EP400: variants seen among roughly 807,000 people sequenced by gnomAD.
The protein encoded by EP400 is E1A binding protein p400, also known as E1A-binding protein p400.
Under a neutral mutation model 354.1 loss-of-function variants are expected in EP400, and 105 were observed. That is an observed-to-expected ratio of 0.30 (90% CI 0.25 to 0.35). The LOEUF is 0.35. EP400 is among the 10% of genes least tolerant of loss of function. The pLI, the probability that EP400 is intolerant of heterozygous loss-of-function variation, is 1.00. For missense variants in EP400, 3,280 were observed against 4,121.0 expected (o/e 0.80, Z 5.59); for synonymous variants, 1,646 against 1,716.9 (o/e 0.96, Z 1.02).
chr12:132,046,522 T>G (rs936118526), intron 39 of EP400, among the ~76,000 whole-genome samples: 2 of 152,214 alleles, frequency 1.3e-5, no homozygotes, highest in African/African-American at 4.8e-5. Context: ...CATAATATTC[T>G]CTGTTTCAGG....
intron 15 of EP400, among the ~76,000 whole-genome samples, chr12:132,007,623 G>T (rs960890222): frequency 6.6e-6 from 1 of 152,212 alleles, no homozygotes; most frequent in African/African-American, 2.4e-5. Context: ...CACAGGACAA[G>T]GTTTCACTGT....
chr12:132,069,699 T>C, intron 51 of EP400, 58 bp downstream of exon 51: 1 of 1,600,356 alleles, frequency 6.2e-7, no homozygotes, highest in Non-Finnish European at 8.5e-7. Context: ...GGCCTTTGGA[T>C]TGTGTGTCTC....
chr12:131,950,594 C>T (rs1891437272), intron 1 of EP400, among the ~76,000 whole-genome samples: 1 of 152,004 alleles, frequency 6.6e-6, no homozygotes, highest in Admixed American at 6.5e-5. Flanking sequence ...AGGTCCGAAT[C>T]CGCTCCTTCT....
In EP400 at chr12:132,077,393, C is replaced by G; in HGVS notation, c.9100-8C>G. 6.2e-7 allele frequency: 1 copy of G among 1,604,842 alleles called. No homozygotes were observed. Among genetic ancestry groups the G allele is most frequent in the Non-Finnish European group, 8.5e-7 (1 of 1,174,628 alleles). The stretch of plus-strand genomic sequence containing the variant: ...GGCAATGTGTGTTTTCTGACTCTCT[C>G]GGCTCAGGCTTCTCCACAGACTGTG... On this transcript the variant is annotated splice_polypyrimidine_tract_variant and splice_region_variant and intron_variant, in intron 52 of 52. Transcript: ENST00000389561.
chr12:131,954,194 A>T (rs944843459), intron 1 of EP400, among the ~76,000 whole-genome samples: 3 of 151,980 alleles, frequency 2.0e-5, no homozygotes, highest in African/African-American at 7.3e-5. Flanking sequence ...TACCTGCTTC[A>T]TCATACCTTT....
At chr12:132,056,869 G>A (rs1349956878) in intron 45 of EP400, among the ~76,000 whole-genome samples, 1 of 152,194 alleles carries the variant, frequency 6.6e-6, no homozygotes, top group African/African-American at 2.4e-5. Context: ...TGTATAAAAT[G>A]GGCAGAAGAT....
chr12:132,020,031 G>T lies in EP400; in HGVS notation c.4278-18G>T. On this transcript the variant is annotated intron_variant, in intron 21 of 52. Coordinates refer to ENST00000389561, the MANE Select transcript of EP400 (RefSeq NM_015409.5). ...TCTGATGCTCTGTATCTTCTTGCCT[G>T]GACCAATGGGCATCTAGGTTGTTTC... 1 of 1,512,936 alleles carries T rather than the reference G, an allele frequency of 6.6e-7. No individual in the cohort carries two copies. The highest frequency in any genetic ancestry group is 8.9e-7 in the Non-Finnish European group (1 of 1,127,932). 93.7% of individuals were successfully genotyped at this position (1,512,936 alleles called of 1,614,324 possible). A position where few individuals can be genotyped will look rare whatever the true frequency, so the allele number is the denominator to read the frequency against.
intron 5 of EP400, among the ~76,000 whole-genome samples, chr12:131,985,902 C>T (rs1362026275): frequency 2.6e-5 from 4 of 152,234 alleles, no homozygotes; most frequent in Admixed American, 2.0e-4. Context: ...GCCACTGCGC[C>T]TGGCCTGAGG....
Position 132,020,934 on chromosome 12 carries a change from C to T in EP400, c.4448-145C>T, listed in dbSNP as rs553565491. 10 of 1,103,516 alleles carry T rather than the reference C, an allele frequency of 9.1e-6. No individual in the cohort carries two copies. In the African/African-American group the frequency reaches 1.5e-4, roughly 16 times the overall value. The allele number at this position is 1,103,516 out of a possible 1,614,324, so 68.4% of individuals were successfully genotyped here. A position where few individuals can be genotyped will look rare whatever the true frequency, so the allele number is the denominator to read the frequency against. On this transcript the variant is annotated intron_variant, in intron 22 of 52. Transcript: ENST00000389561. ...TTCTCTCACCCTGTAAACTATATGGCCCCTCTTTTTTTCCTTAAGAGGGGA... is the reference window on the plus strand; with the variant it reads ...TTCTCTCACCCTGTAAACTATATGGTCCCTCTTTTTTTCCTTAAGAGGGGA...
In EP400 at chr12:132,044,949, C is replaced by T; in HGVS notation, c.6780C>T (p.Pro2260=). The T allele has an allele frequency of 6.2e-7, 1 of 1,613,998 alleles. No individual in the cohort carries two copies. Among genetic ancestry groups the T allele is most frequent in the Non-Finnish European group, 8.5e-7 (1 of 1,180,018 alleles). ...RKERKRHKTD[P]SAAGRKKKQR... ...AGCGGAAGCGACACAAAACAGACCC[C>T]TCAGGTGCGCATCCCGAGGGCGTCA... The change falls in exon 37 of 53, where the codon CCC becomes CCT. Residue 2260 remains proline (P), a synonymous_variant. Coordinates refer to ENST00000389561, the MANE Select transcript of EP400 (RefSeq NM_015409.5).
chr12:132,022,788 A>G (rs1369769955), intron 23 of EP400, among the ~76,000 whole-genome samples: 1 of 151,942 alleles, frequency 6.6e-6, no homozygotes, highest in Non-Finnish European at 1.5e-5. Flanking sequence ...AGGCATTGCT[A>G]GATCTTGTAG....
chr12:132,014,888 CTA>C (rs1439665783), intron 19 of EP400, among the ~76,000 whole-genome samples: 1 of 152,200 alleles, frequency 6.6e-6, no homozygotes, highest in Non-Finnish European at 1.5e-5. Flanking sequence ...TTTGTGGAGA[CTA>C]GGGGTGAGGC....
intron 12 of EP400, among the ~76,000 whole-genome samples, chr12:131,997,690 A>T (rs1297005843): frequency 6.6e-6 from 1 of 152,058 alleles, no homozygotes; most frequent in African/African-American, 2.4e-5. Context: ...GCGAATAATT[A>T]TAAAGGTCTT....
chr12:132,076,292 A>C (rs1216969485), intron 51 of EP400: 2 of 656,918 alleles, frequency 3.0e-6, no homozygotes, highest in Non-Finnish European at 5.6e-6. Flanking sequence ...AATAAGCTTA[A>C]ATGATGAGTG....
At chr12:132,063,862 A>T (rs1401113875) in intron 47 of EP400, among the ~76,000 whole-genome samples, 1 of 152,126 alleles carries the variant, frequency 6.6e-6, no homozygotes, top group East Asian at 1.9e-4. Context: ...GCCCACTTGT[A>T]TCCTGCGGGA....
intron 2 of EP400, among the ~76,000 whole-genome samples, chr12:131,970,962 G>C (rs756470302): frequency 6.6e-6 from 1 of 152,120 alleles, no homozygotes; most frequent in Non-Finnish European, 1.5e-5. Flanking sequence ...CCAGCACTTG[G>C]AGAGGCCGAG....
At chr12:132,046,533 G>GT (rs1208743031) in intron 39 of EP400, among the ~76,000 whole-genome samples, 5 of 152,298 alleles carry the variant, frequency 3.3e-5, no homozygotes, top group Non-Finnish European at 5.9e-5. Context: ...CTGTTTCAGG[G>GT]TTAACTATAA....
chr12:132,038,737 G>C lies in EP400; in HGVS notation c.6207+641G>C. Reference sequence around the variant, plus strand: ...TGTAGACATGTCACAGACCCGTCACGGGGCCGCTGTTCCCTCCCTGTCCCC... The same window carrying C: ...TGTAGACATGTCACAGACCCGTCACCGGGCCGCTGTTCCCTCCCTGTCCCC... On this transcript the variant is annotated intron_variant, in intron 32 of 52. Transcript: ENST00000389561. This position sits in a 1 kb window ranked among gnomAD's most constrained non-coding sequence, Gnocchi z 4.2. Among the ~76,000 whole-genome samples the C allele has an allele frequency of 6.6e-6, 1 of 152,110 alleles. No individual in the cohort carries two copies. Among genetic ancestry groups the C allele is most frequent in the East Asian group, 1.9e-4 (1 of 5,184 alleles).
intron 39 of EP400, among the ~76,000 whole-genome samples, chr12:132,048,007 C>G (rs1895165806): frequency 6.6e-6 from 1 of 152,200 alleles, no homozygotes; most frequent in South Asian, 2.1e-4. Context: ...CGGCTCTGTT[C>G]CGCCTGGCTC....
Sources: gnomAD v4.1 joint callset for allele counts (sites outside exome capture counted in the v4.1 genomes callset) on GRCh38, gnomAD v4.1.1 for gene constraint, Gnocchi (gnomAD v3.1) non-coding constraint, MANE v1.5 for transcripts, NCBI Gene and HGNC (gene_info 2026-07-23, HGNC 2026-07-21) for gene names.